The following CTNNA2 variants were observed in gnomAD, a reference collection of about 807,000 sequenced individuals.
CTNNA2 encodes the protein catenin alpha 2, also known as catenin alpha-2.
A neutral mutation model predicts 101.0 loss-of-function variants in CTNNA2; 42 were observed. The observed-to-expected ratio is 0.42, with a 90% CI of 0.32 to 0.54. The LOEUF is 0.54. CTNNA2 is among the 20% of genes least tolerant of loss of function. The probability of loss-of-function intolerance (pLI) is 0.14; values close to 1 mark genes in which losing one functional copy is unlikely to be tolerated. For synonymous variants in CTNNA2, 450 were observed against 456.4 expected (o/e 0.99, Z 0.18); for missense variants, 871 against 1,223.1 (o/e 0.71, Z 4.29).
In CTNNA2 at chr2:79,467,000, G is replaced by A. The variant is rs956447161; in HGVS notation, c.-134-38054G>A. 4.9e-4 allele frequency among the ~76,000 whole-genome samples: 75 copies of A among 152,150 alleles called. 1 individual carries two copies. Among genetic ancestry groups the A allele is most frequent in the South Asian group, 2.1e-4 (1 of 4,834 alleles). ...CCCCTCCAAAGGAATGCAGCTCCTC[G>A]CTAACAATGGAACAAAGCTGGACGG... On this transcript the variant is annotated intron_variant, in intron 4 of 21. Transcript: ENST00000466387.
chr2:80,003,285 T>C lies in CTNNA2; in HGVS notation c.1056+93488T>C, dbSNP rs1169564141. On this transcript the variant is annotated intron_variant, in intron 7 of 18. Coordinates refer to ENST00000402739, the MANE Select transcript of CTNNA2 (RefSeq NM_001282597.3). The stretch of plus-strand genomic sequence containing the variant: ...TTCATTTTGCCCCACCTTCTCTTAA[T>C]TGAGTTATTACTTCTACCTTTCATT... Among the ~76,000 whole-genome samples the C allele has an allele frequency of 1.3e-5, 2 of 152,100 alleles. 1 individual carries two copies. Among genetic ancestry groups the C allele is most frequent in the Admixed American group, 1.3e-4 (2 of 15,276 alleles).
intron 4 of CTNNA2, among the ~76,000 whole-genome samples, chr2:79,479,296 C>T (rs576458302): frequency 6.6e-6 from 1 of 152,290 alleles, no homozygotes; most frequent in Admixed American, 6.5e-5. Flanking sequence ...TTATAGGACA[C>T]CAGCACCTTC....
chr2:79,543,812 A>G (rs989442658), intron 1 of CTNNA2, among the ~76,000 whole-genome samples: 3 of 152,218 alleles, frequency 2.0e-5, no homozygotes, highest in Non-Finnish European at 4.4e-5. Flanking sequence ...ATTAACACCA[A>G]TTTGAAAATA....
In CTNNA2 at chr2:80,235,407, C is replaced by A. The variant is rs558174823; in HGVS notation, c.1057-157804C>A. 2.6e-5 allele frequency among the ~76,000 whole-genome samples: 4 copies of A among 152,254 alleles called. No homozygotes were observed. In the East Asian group the frequency reaches 7.7e-4, roughly 29 times the overall value. ...CTCTTGAAGGAACTATCAATCACTG[C>A]AAACACTAATAACAGTAGATGCCAG... On this transcript the variant is annotated intron_variant, in intron 7 of 18. Coordinates refer to ENST00000402739, the MANE Select transcript of CTNNA2 (RefSeq NM_001282597.3).
chr2:80,126,598 C>CT, intron 7 of CTNNA2, among the ~76,000 whole-genome samples: 1 of 35,944 alleles, frequency 2.8e-5, no homozygotes, highest in Non-Finnish European at 5.6e-5. Flanking sequence ...CTCCCTCCCT[C>CT]CCTCCCTCCC....
chr2:80,570,814 T>C (rs1694520280), intron 12 of CTNNA2, among the ~76,000 whole-genome samples: 1 of 152,156 alleles, frequency 6.6e-6, no homozygotes. Flanking sequence ...AACACTGTTG[T>C]TTATACCAAA....
At chr2:80,560,387 G>T (rs1195529580) in intron 12 of CTNNA2, among the ~76,000 whole-genome samples, 1 of 151,910 alleles carries the variant, frequency 6.6e-6, no homozygotes, top group Non-Finnish European at 1.5e-5. Flanking sequence ...ACTGTTATTT[G>T]ACTGCTACCA....
Position 80,399,317 on chromosome 2 carries a change from T to C in CTNNA2, c.1137+6026T>C, listed in dbSNP as rs771136142. On this transcript the variant is annotated intron_variant, in intron 8 of 18. Coordinates refer to ENST00000402739, the MANE Select transcript of CTNNA2 (RefSeq NM_001282597.3). Reference sequence around the variant, plus strand: ...AGTCCAAAGTACATTATTTCATCAGTTGGAAACGGTTCTTGAAATATCATC... The same window carrying C: ...AGTCCAAAGTACATTATTTCATCAGCTGGAAACGGTTCTTGAAATATCATC... 3.4e-4 allele frequency among the ~76,000 whole-genome samples: 52 copies of C among 152,176 alleles called. 1 individual carries two copies. Among genetic ancestry groups the C allele is most frequent in the Non-Finnish European group, 5.7e-4 (39 of 68,034 alleles).
chr2:79,425,467 TC>T (rs1255426614), intron 4 of CTNNA2, among the ~76,000 whole-genome samples: 3 of 152,182 alleles, frequency 2.0e-5, no homozygotes, highest in African/African-American at 7.2e-5. Context: ...TATAGTACTG[TC>T]AGGTTCAGTT....
intron 7 of CTNNA2, among the ~76,000 whole-genome samples, chr2:80,225,117 C>T (rs1033029952): frequency 5.9e-5 from 9 of 152,140 alleles, no homozygotes; most frequent in Admixed American, 5.9e-4. Flanking sequence ...CCACCAGTGC[C>T]ATGGAGGTCA....
At chr2:79,521,126 AT>A (rs1174934717) in intron 1 of CTNNA2, among the ~76,000 whole-genome samples, 1 of 9,966 alleles carries the variant, frequency 1.0e-4, no homozygotes, top group African/African-American at 4.2e-4. Flanking sequence ...ATATATATAT[AT>A]ATATATATAT....
At chr2:80,107,699 C>T (rs994707003) in intron 7 of CTNNA2, among the ~76,000 whole-genome samples, 7 of 152,210 alleles carry the variant, frequency 4.6e-5, no homozygotes, top group South Asian at 2.1e-4. Flanking sequence ...GTCACCCCAC[C>T]GGATGAGGCA....
intron 7 of CTNNA2, among the ~76,000 whole-genome samples, chr2:80,192,941 G>C (rs1304128136): frequency 6.9e-6 from 1 of 144,108 alleles, no homozygotes; most frequent in East Asian, 2.0e-4. Context: ...TATTTTGGGA[G>C]TGTGTATAGT....
intron 9 of CTNNA2, among the ~76,000 whole-genome samples, chr2:80,432,687 C>A (rs1365778355): frequency 6.6e-6 from 1 of 152,150 alleles, no homozygotes; most frequent in East Asian, 1.9e-4. Context: ...CCTGCCCTTC[C>A]AAATCTGTAA....
At chr2:80,590,756 T>G (rs1279790840) in intron 15 of CTNNA2, among the ~76,000 whole-genome samples, 1 of 152,214 alleles carries the variant, frequency 6.6e-6, no homozygotes. Context: ...AGGAGCCCTT[T>G]GAGACTTTTA....
chr2:79,955,907 C>T (rs1286846385), intron 7 of CTNNA2, among the ~76,000 whole-genome samples: 1 of 152,208 alleles, frequency 6.6e-6, no homozygotes, highest in Non-Finnish European at 1.5e-5. Context: ...CTGCCAGTCA[C>T]TGGTGAAAGT....
intron 9 of CTNNA2, among the ~76,000 whole-genome samples, chr2:80,441,878 G>A (rs1682617991): frequency 1.3e-5 from 2 of 152,136 alleles, no homozygotes; most frequent in Admixed American, 6.5e-5. Context: ...TAGCACTGAG[G>A]AGCAAGACAT....
chr2:80,618,867 G>A lies in CTNNA2; in HGVS notation c.2431-218G>A, dbSNP rs557055640. The A allele has an allele frequency of 2.1e-3, 759 of 356,692 alleles. 1 individual carries two copies. Among genetic ancestry groups the A allele is most frequent in the Non-Finnish European group, 3.0e-3 (589 of 198,242 alleles). The allele number at this position is 356,692 out of a possible 1,614,324, so 22.1% of individuals were successfully genotyped here. On this transcript the variant is annotated intron_variant, in intron 17 of 18. Coordinates refer to ENST00000402739, the MANE Select transcript of CTNNA2 (RefSeq NM_001282597.3). ...CTCCTCCCACATGGTTCCTTTATCT[G>A]TTCAAGAGCCAATGAGAAATCGAAA...
chr2:79,784,886 T>A (rs1002653536), intron 3 of CTNNA2, among the ~76,000 whole-genome samples: 1 of 152,076 alleles, frequency 6.6e-6, no homozygotes, highest in Non-Finnish European at 1.5e-5. Context: ...CGAAACTTAC[T>A]TATGCTATTA....
Sources: gnomAD v4.1 joint callset for allele counts (sites outside exome capture counted in the v4.1 genomes callset) on GRCh38, gnomAD v4.1.1 for gene constraint, MANE v1.5 for transcripts, NCBI Gene and HGNC (gene_info 2026-07-23, HGNC 2026-07-21) for gene names.